The following MYO15A variants were observed in gnomAD, a reference collection of about 807,000 sequenced individuals.
The protein encoded by MYO15A is myosin XVA, also known as unconventional myosin-XV.
MYO15A carries 308 observed loss-of-function variants against 394.6 expected under a neutral mutation model. The observed-to-expected ratio is 0.78, with a 90% CI of 0.71 to 0.86. The LOEUF is 0.86. MYO15A is among the 40% of genes least tolerant of loss of function. The pLI is 0.00. For synonymous variants in MYO15A, 1,957 were observed against 2,003.8 expected (o/e 0.98, Z 0.62); for missense variants, 4,606 against 4,799.1 (o/e 0.96, Z 1.19).
intron 29 of MYO15A, among the ~76,000 whole-genome samples, chr17:18,144,800 C>A (rs1161892326): frequency 2.8e-3 from 331 of 116,822 alleles, no homozygotes; most frequent in Non-Finnish European, 3.0e-3. Context: ...ATCTTCCTGG[C>A]AAAAAAAAAA....
rs1255985105 is a variant in MYO15A, at chr17:18,147,968, C to G, written c.6510-61C>G. Reference sequence around the variant, plus strand: ...AGAATTTCCTACCCCCACCCCGCAGCCCTCAGCCCCAAGCTAGCTTCAGAT... The same window carrying G: ...AGAATTTCCTACCCCCACCCCGCAGGCCTCAGCCCCAAGCTAGCTTCAGAT... On this transcript the variant is annotated intron_variant, in intron 30 of 65. Transcript: ENST00000647165. The surrounding 1 kb of genome is among the most constrained non-coding windows in gnomAD (Gnocchi z 4.4). 6.2e-7 allele frequency: 1 copy of G among 1,603,138 alleles called. No individual in the cohort carries two copies. Among genetic ancestry groups the G allele is most frequent in the Non-Finnish European group, 8.5e-7 (1 of 1,170,916 alleles).
At position 18,118,581 on chromosome 17, in the gene MYO15A, G is replaced by C. The variant is rs2045826785; in HGVS notation, c.-219-1G>C. On this transcript the variant is annotated splice_acceptor_variant, in intron 1 of 65. Transcript: ENST00000647165. LOFTEE classifies it low-confidence loss of function (5UTR_SPLICE). ...CCACACACTTTCTACTACTGCTCTA[G>C]GGTGAAACCCAAGGCGCTCTAGAGG... 2 of 633,042 alleles carry C rather than the reference G, an allele frequency of 3.2e-6. No individual in the cohort carries two copies. The highest frequency in any genetic ancestry group is 2.0e-5 in the South Asian group (1 of 51,158). 39.2% of individuals were successfully genotyped at this position (633,042 alleles called of 1,614,324 possible).
intron 56 of MYO15A, chr17:18,160,693 G>C: frequency 4.9e-6 from 1 of 204,648 alleles, no homozygotes; most frequent in Non-Finnish European, 1.0e-5. Flanking sequence ...AGAGCGGGGT[G>C]GGTGGTTTCC....
chr17:18,141,888 G>T, intron 23 of MYO15A, 118 bp downstream of exon 23: 1 of 1,250,690 alleles, frequency 8.0e-7, no homozygotes. Context: ...AGATGAGCTT[G>T]GGATATGGAA....
chr17:18,170,008 G>A lies in MYO15A; in HGVS notation c.10083-1630G>A, dbSNP rs1479982686. Among the ~76,000 whole-genome samples the A allele has an allele frequency of 4.9e-5, 7 of 143,740 alleles. No individual in the cohort carries two copies. In the East Asian group the frequency reaches 1.4e-3, roughly 29 times the overall value. The allele number at this position is 143,740 out of a possible 152,430, so 94.3% of individuals were successfully genotyped here. A position where few individuals can be genotyped will look rare whatever the true frequency, so the allele number is the denominator to read the frequency against. ...AAAAAAAAAAAAAAACCATTAGTGA[G>A]AATTTTACATGTTCAAAGCTCTGTA... On this transcript the variant is annotated intron_variant, in intron 62 of 65. Transcript: ENST00000647165.
At position 18,121,500 on chromosome 17, in the gene MYO15A, G is replaced by T. The variant is rs1353475375; in HGVS notation, c.2700G>T (p.Trp900Cys). The change falls in exon 2 of 66, where the codon TGG (tryptophan) becomes TGT (cysteine). Residue 900 changes from tryptophan (W) to cysteine (C), a missense_variant. Physicochemically the swap from Trp to Cys is radical, Grantham distance 215. Transcript: ENST00000647165. The surrounding 1 kb of genome is among the most constrained non-coding windows in gnomAD (Gnocchi z 5.3). Reference sequence around the variant, plus strand: ...ACCGACCGCCCAGGGCCGGGGCCTGGCGGGCGCCCCTGGAACACCGGGAGA... The same window carrying T: ...ACCGACCGCCCAGGGCCGGGGCCTGTCGGGCGCCCCTGGAACACCGGGAGA... ...PFHRPPRAGA[W>C]RAPLEHRESP... 6.4e-7 allele frequency: 1 copy of T among 1,552,748 alleles called. No individual in the cohort carries two copies. The highest frequency in any genetic ancestry group is 1.9e-5 in the Admixed American group (1 of 51,558).
In MYO15A at chr17:18,132,558, C is replaced by G; in HGVS notation, c.4312C>G (p.Leu1438Val). 3 of 1,611,272 alleles carry G rather than the reference C, an allele frequency of 1.9e-6. No homozygotes were observed. Among genetic ancestry groups the G allele is most frequent in the Non-Finnish European group, 2.5e-6 (3 of 1,179,940 alleles). ...SLQEAETYYY[L>V]NQGGNCEIAG... ...GCAAGAGGCTGAGACCTACTACTATCTGAACCAGGTGAGTGCCAGCAGGCA... is the reference window on the plus strand; with the variant it reads ...GCAAGAGGCTGAGACCTACTACTATGTGAACCAGGTGAGTGCCAGCAGGCA... Residue 1438 changes from leucine (L) to valine (V), a missense_variant, in exon 11 of 66, where the codon CTG (leucine) becomes GTG (valine). Around this residue, in one of 2 missense-constraint regions of MYO15A, gnomAD observed 2,776 missense variants for 3,109.3 expected, o/e 0.89. Coordinates refer to ENST00000647165, the MANE Select transcript of MYO15A (RefSeq NM_016239.4). This position sits in a 1 kb window ranked among gnomAD's most constrained non-coding sequence, Gnocchi z 4.6.
intron 12 of MYO15A, among the ~76,000 whole-genome samples, chr17:18,135,256 C>T (rs952093546): frequency 1.9e-4 from 29 of 152,284 alleles, no homozygotes; most frequent in African/African-American, 5.3e-4. Flanking sequence ...CTGCAACCTC[C>T]GCCTCCTGGG....
chr17:18,143,501 C>T, intron 25 of MYO15A, 65 bp from the exon 26 acceptor site: 2 of 1,540,178 alleles, frequency 1.3e-6, no homozygotes, highest in Non-Finnish European at 1.8e-6. Context: ...GCTGGCCTGG[C>T]CTGCCTGGGT....
At chr17:18,173,452 T>C in intron 64 of MYO15A, 2 of 360,904 alleles carry the variant, frequency 5.5e-6, no homozygotes, top group East Asian at 1.3e-4. Flanking sequence ...AAAAAAGAGG[T>C]GGAGGTGTTC....
At chr17:18,109,309 G>A (rs1313881790) in intron 1 of MYO15A, 1 of 153,108 alleles carries the variant, frequency 6.5e-6, no homozygotes, top group Non-Finnish European at 1.5e-5. Context: ...CAGGCAGTGA[G>A]GGCTCAGGTG....
intron 61 of MYO15A, 73 bp from the exon 62 acceptor site, chr17:18,167,516 TC>T: frequency 1.3e-6 from 2 of 1,594,114 alleles, no homozygotes; most frequent in South Asian, 2.2e-5. Context: ...AACATGCATG[TC>T]CCCAGGTCCC....
rs1370452112 is a variant in MYO15A, at chr17:18,151,113, C to G, written c.7477C>G (p.Pro2493Ala). Reference sequence around the variant, plus strand: ...CCTCACGTCCTGTTCTCCACAGAAACCCCCAGCACCAGAGGCACAGCCGAC... The same window carrying G: ...CCTCACGTCCTGTTCTCCACAGAAAGCCCCAGCACCAGAGGCACAGCCGAC... ...AALRSLPAEK[P>A]PAPEAQPTSV... The change falls in exon 39 of 66, where the codon CCC (proline) becomes GCC (alanine). Residue 2493 changes from proline (P) to alanine (A), a missense_variant. By Grantham distance (27) the Pro-to-Ala change is conservative. Transcript: ENST00000647165. 1.9e-6 allele frequency: 3 copies of G among 1,613,902 alleles called. No homozygotes were observed. The highest frequency in any genetic ancestry group is 2.5e-6 in the Non-Finnish European group (3 of 1,180,014).
Position 18,121,664 on chromosome 17 carries a change from G to A in MYO15A, c.2864G>A (p.Arg955Lys). The A allele has an allele frequency of 6.6e-7, 1 of 1,521,606 alleles. No individual in the cohort carries two copies. The highest frequency in any genetic ancestry group is 1.1e-5 in the South Asian group (1 of 89,218). The allele number at this position is 1,521,606 out of a possible 1,614,324, so 94.3% of individuals were successfully genotyped here. Reference sequence around the variant, plus strand: ...GCAGGCAGCCGCCGAGGCTTTTCCAGGCCACCCCCTGTGCCGGAAAACCCC... The same window carrying A: ...GCAGGCAGCCGCCGAGGCTTTTCCAAGCCACCCCCTGTGCCGGAAAACCCC... ...GGAGSRRGFS[R>K]PPPVPENPFL... The change falls in exon 2 of 66, where the codon AGG becomes AAG. Residue 955 changes from arginine to lysine, a missense_variant. Arg to Lys is a conservative substitution (Grantham distance 26). This residue lies in a region of MYO15A where 1,830 missense variants were observed against 1,689.7 expected (regional missense o/e 1.08). Transcript: ENST00000647165. This position sits in a 1 kb window ranked among gnomAD's most constrained non-coding sequence, Gnocchi z 5.3.
chr17:18,149,731 A>T (rs1006664767), intron 35 of MYO15A, 151 bp downstream of exon 35: 6 of 783,218 alleles, frequency 7.7e-6, no homozygotes, highest in Non-Finnish European at 1.3e-5. Flanking sequence ...GGCTGGACAA[A>T]GGATGAGGGT....
rs1257212073 is a variant in MYO15A at position 18,138,943 on chromosome 17, C to T, written c.5133+7C>T. On this transcript the variant is annotated splice_region_variant and intron_variant, in intron 18 of 65. Coordinates refer to ENST00000647165, the MANE Select transcript of MYO15A (RefSeq NM_016239.4). The stretch of plus-strand genomic sequence containing the variant: ...AGGCAAGGTCACCTACCAGGTGAGC[C>T]CTAAGACAGTCGGCCTGGACGCTGG... The T allele has an allele frequency of 6.2e-7, 1 of 1,611,096 alleles. No individual in the cohort carries two copies. Among genetic ancestry groups the T allele is most frequent in the Non-Finnish European group, 8.5e-7 (1 of 1,178,672 alleles).
At chr17:18,173,632 C>T in intron 64 of MYO15A, 149 bp from the exon 65 acceptor site, 2 of 1,041,838 alleles carry the variant, frequency 1.9e-6, no homozygotes, top group Non-Finnish European at 1.5e-6. Context: ...AAGTGATTTG[C>T]TCAAGGTCAC....
intron 62 of MYO15A, among the ~76,000 whole-genome samples, chr17:18,170,385 G>C (rs1481624951): frequency 6.6e-6 from 1 of 150,710 alleles, no homozygotes; most frequent in Non-Finnish European, 1.5e-5. Context: ...TTGAGACAGA[G>C]TCTCTCTCTG....
At position 18,140,661 on chromosome 17, in the gene MYO15A, G is replaced by T; in HGVS notation, c.5356G>T (p.Glu1786Ter). ...ACTCCTGGATCTGGTGGAAAAGATG[G>T]AGAGGTGGGGTGGGGGGCAGGTGGG... ...QSLLDLVEKM[E>*]RCNPLFMRCL... Residue 1786 changes from glutamate (E) to a stop codon, truncating the protein, a stop_gained, in exon 20 of 66, where the codon GAG (glutamate) becomes TAG (stop). Coordinates refer to ENST00000647165, the MANE Select transcript of MYO15A (RefSeq NM_016239.4). LOFTEE classifies it high-confidence loss of function. 1 of 1,613,968 alleles carries T rather than the reference G, an allele frequency of 6.2e-7. No homozygotes were observed. The highest frequency in any genetic ancestry group is 1.1e-5 in the South Asian group (1 of 91,082).
Sources: allele counts gnomAD v4.1 joint callset (sites outside exome capture counted in the v4.1 genomes callset), GRCh38; gene constraint gnomAD v4.1.1; regional missense constraint gnomAD v4.1.1; non-coding constraint Gnocchi (gnomAD v3.1); transcripts MANE v1.5; gene names NCBI Gene and HGNC (gene_info 2026-07-23, HGNC 2026-07-21).